The following IL1RAPL2 variants were observed in gnomAD, a reference collection of about 807,000 sequenced individuals.
The protein encoded by IL1RAPL2 is X-linked interleukin-1 receptor accessory protein-like 2.
A neutral mutation model predicts 44.1 loss-of-function variants in IL1RAPL2; 3 were observed. The ratio of observed to expected loss-of-function variants is 0.07; its 90% CI spans 0.03 to 0.18. The LOEUF (loss-of-function observed/expected upper bound fraction) is 0.18, where lower values mean the gene tolerates loss of function less well. Among genes scored for constraint, IL1RAPL2 ranks in the 10% least tolerant of loss-of-function variants. The pLI, the probability that IL1RAPL2 is intolerant of heterozygous loss-of-function variation, is 1.00. For synonymous variants in IL1RAPL2, 181 were observed against 178.8 expected (o/e 1.01, Z -0.10); for missense variants, 391 against 496.4 (o/e 0.79, Z 2.02).
intron 3 of IL1RAPL2, among the ~76,000 whole-genome samples, chrX:105,216,018 A>G (rs1391062475): frequency 9.0e-6 from 1 of 111,610 alleles, no homozygotes; most frequent in Non-Finnish European, 1.9e-5. Flanking sequence ...CTGAATGGGC[A>G]AAAGCTGGAA....
intron 1 of IL1RAPL2, 48 bp downstream of exon 1, chrX:104,567,099 G>A (rs1379252586): frequency 8.8e-6 from 1 of 113,273 alleles, no homozygotes; most frequent in Non-Finnish European, 1.9e-5. Context: ...AGGGCCAGGG[G>A]AGAACGCGCT....
At chrX:104,657,441 T>C (rs1308673151) in intron 1 of IL1RAPL2, among the ~76,000 whole-genome samples, 1 of 111,406 alleles carries the variant, frequency 9.0e-6, no homozygotes, top group Non-Finnish European at 1.9e-5. Flanking sequence ...TGAAACTGGA[T>C]CCCTTCTTTA....
chrX:105,422,564 GA>G (rs989902093), intron 5 of IL1RAPL2, among the ~76,000 whole-genome samples: 13 of 111,825 alleles, frequency 1.2e-4, no homozygotes, highest in African/African-American at 4.2e-4. Context: ...CCAAATACTG[GA>G]GAATTCAGGT....
chrX:105,496,500 A>G (rs938688571), intron 6 of IL1RAPL2, among the ~76,000 whole-genome samples: 1 of 112,730 alleles, frequency 8.9e-6, no homozygotes, highest in Non-Finnish European at 1.9e-5. Flanking sequence ...AACTTTAACA[A>G]TAGTACCTCA....
At chrX:105,292,669 ATATGT>A (rs954033952) in intron 5 of IL1RAPL2, among the ~76,000 whole-genome samples, 16 of 112,029 alleles carry the variant, frequency 1.4e-4, no homozygotes, top group African/African-American at 2.6e-4. Flanking sequence ...TCTGTGATAA[ATATGT>A]TATGTAATAA....
intron 2 of IL1RAPL2, among the ~76,000 whole-genome samples, chrX:104,763,891 G>T (rs939915356): frequency 9.0e-6 from 1 of 110,949 alleles, no homozygotes; most frequent in Admixed American, 9.6e-5. Context: ...CATATCACTG[G>T]GTTCTCTCTT....
chrX:105,508,609 G>T (rs2036447615), intron 6 of IL1RAPL2, among the ~76,000 whole-genome samples: 1 of 108,779 alleles, frequency 9.2e-6, no homozygotes, highest in African/African-American at 3.3e-5. Flanking sequence ...AAGAACAGTT[G>T]TGAAGCCACC....
At chrX:104,869,557 C>CT (rs1282292047) in intron 2 of IL1RAPL2, among the ~76,000 whole-genome samples, 3 of 111,232 alleles carry the variant, frequency 2.7e-5, no homozygotes, top group Non-Finnish European at 5.7e-5. Context: ...AAGACTATTT[C>CT]TTTTTTTTCA....
intron 2 of IL1RAPL2, among the ~76,000 whole-genome samples, chrX:104,887,811 G>A (rs145744337): frequency 0.011 from 1,244 of 111,720 alleles, 11 homozygotes; most frequent in Non-Finnish European, 0.018. Context: ...AAGTTCATTT[G>A]TGGAGAATGG....
At chrX:105,026,924 T>C (rs954445956) in intron 2 of IL1RAPL2, among the ~76,000 whole-genome samples, 3 of 111,180 alleles carry the variant, frequency 2.7e-5, no homozygotes, top group Non-Finnish European at 3.8e-5. Flanking sequence ...CTTCAAATTA[T>C]ATAACCAAGC....
chrX:105,695,261 A>C, intron 6 of IL1RAPL2, among the ~76,000 whole-genome samples: 1 of 112,107 alleles, frequency 8.9e-6, no homozygotes, highest in Admixed American at 9.5e-5. Flanking sequence ...AAATCAATGG[A>C]TACATGAGGT....
At chrX:104,645,537 A>G (rs1323222037) in intron 1 of IL1RAPL2, among the ~76,000 whole-genome samples, 1 of 112,132 alleles carries the variant, frequency 8.9e-6, no homozygotes, top group East Asian at 2.8e-4. Flanking sequence ...CTAGGTTTCA[A>G]CTTAGAAGTC....
chrX:105,689,895 G>T (rs745645713), intron 6 of IL1RAPL2, among the ~76,000 whole-genome samples: 1 of 111,796 alleles, frequency 8.9e-6, no homozygotes, highest in Non-Finnish European at 1.9e-5. Context: ...GCCATAAAAA[G>T]GGATGAGTTT....
rs5962462 is a variant in IL1RAPL2 at position 105,095,985 on chromosome X, T to G, written c.83-99490T>G. ...ATCCAGAATATATCATGAGCTCTTATAACTCAACAATGAAAACACACCTTA... is the reference window on the plus strand; with the variant it reads ...ATCCAGAATATATCATGAGCTCTTAGAACTCAACAATGAAAACACACCTTA... On this transcript the variant is annotated intron_variant, in intron 2 of 10. Coordinates refer to ENST00000372582, the MANE Select transcript of IL1RAPL2 (RefSeq NM_017416.2). Among the ~76,000 whole-genome samples the G allele has an allele frequency of 4.2e-3, 473 of 111,808 alleles. 2 individuals are homozygous for G. The highest frequency in any genetic ancestry group is 0.015 in the African/African-American group (456 of 30,805).
At chrX:104,572,200 T>C (rs1437046739) in intron 1 of IL1RAPL2, among the ~76,000 whole-genome samples, 3 of 112,101 alleles carry the variant, frequency 2.7e-5, no homozygotes, top group African/African-American at 9.7e-5. Context: ...ATCACAAAGC[T>C]ATTATTGCTC....
intron 4 of IL1RAPL2, among the ~76,000 whole-genome samples, chrX:105,244,601 G>A (rs1010568939): frequency 2.7e-5 from 3 of 111,384 alleles, no homozygotes; most frequent in Non-Finnish European, 3.8e-5. Context: ...ACTTAACCAC[G>A]ATCCCCAGTT....
chrX:105,107,875 T>C (rs761151866), intron 2 of IL1RAPL2, among the ~76,000 whole-genome samples: 11 of 111,700 alleles, frequency 9.8e-5, no homozygotes, highest in Non-Finnish European at 1.9e-4. Context: ...GACTGTTTAG[T>C]AGTATTCTCC....
At chrX:105,566,234 AAG>A (rs1223787828) in intron 6 of IL1RAPL2, among the ~76,000 whole-genome samples, 1 of 111,465 alleles carries the variant, frequency 9.0e-6, no homozygotes, top group East Asian at 2.8e-4. Context: ...GAAAAAAAGA[AAG>A]AGAGAGACAG....
intron 2 of IL1RAPL2, among the ~76,000 whole-genome samples, chrX:105,184,141 A>G (rs2147606878): frequency 8.9e-6 from 1 of 111,804 alleles, no homozygotes; most frequent in African/African-American, 3.2e-5. Context: ...AGCCTATCCT[A>G]GCCAAGCAAG....
Sources: gnomAD v4.1 joint callset for allele counts (sites outside exome capture counted in the v4.1 genomes callset) on GRCh38, gnomAD v4.1.1 for gene constraint, MANE v1.5 for transcripts, NCBI Gene and HGNC (gene_info 2026-07-23, HGNC 2026-07-21) for gene names.